The following CEP128 variants were observed in gnomAD, a reference collection of about 807,000 sequenced individuals.
The protein encoded by CEP128 is centrosomal protein 128kDa.
In CEP128, 132 loss-of-function variants were observed where a neutral mutation model predicts 156.7. The ratio of observed to expected loss-of-function variants is 0.84; its 90% confidence interval spans 0.73 to 0.97. CEP128 has a LOEUF of 0.97. Among genes scored for constraint, CEP128 ranks in the 50% least tolerant of loss-of-function variants. The pLI, the probability that CEP128 is intolerant of heterozygous loss-of-function variation, is 0.00. For missense variants in CEP128, 1,252 were observed against 1,281.9 expected (o/e 0.98, Z 0.36); for synonymous variants, 469 against 448.9 (o/e 1.04, Z -0.57).
At chr14:80,516,314 T>C (rs567241918) in intron 23 of CEP128, among the ~76,000 whole-genome samples, 36 of 152,328 alleles carry the variant, frequency 2.4e-4, no homozygotes, top group African/African-American at 8.7e-4. Flanking sequence ...TGCCCTATTC[T>C]ACTATGGCTA....
intron 19 of CEP128, among the ~76,000 whole-genome samples, chr14:80,626,883 T>G (rs1893752293): frequency 6.6e-6 from 1 of 152,130 alleles, no homozygotes; most frequent in Non-Finnish European, 1.5e-5. Context: ...TGAGCCAAGA[T>G]GGTGCACCAT....
chr14:80,756,849 A>G, intron 18 of CEP128, 43 bp downstream of exon 18: 1 of 1,293,584 alleles, frequency 7.7e-7, no homozygotes, highest in South Asian at 1.2e-5. Flanking sequence ...TGGCTTAAAG[A>G]TCATAAATAT....
At chr14:80,905,808 T>C (rs1028169865) in intron 5 of CEP128, 147 bp downstream of exon 5, 6 of 689,894 alleles carry the variant, frequency 8.7e-6, no homozygotes, top group African/African-American at 1.9e-5. Flanking sequence ...TTTCAAAGCA[T>C]GTACTATAAA....
intron 1 of CEP128, among the ~76,000 whole-genome samples, chr14:80,939,883 C>A (rs748525581): frequency 6.6e-6 from 1 of 152,196 alleles, no homozygotes; most frequent in Admixed American, 6.5e-5. Flanking sequence ...ATACAGTTAA[C>A]ATGTTACTGC....
intron 22 of CEP128, among the ~76,000 whole-genome samples, chr14:80,529,491 G>A (rs1460790677): frequency 6.6e-6 from 1 of 152,116 alleles, no homozygotes; most frequent in Non-Finnish European, 1.5e-5. Context: ...GTTCATTGTA[G>A]ACAACTGGGG....
At chr14:80,892,292 A>G (rs1889139539) in intron 8 of CEP128, among the ~76,000 whole-genome samples, 1 of 152,054 alleles carries the variant, frequency 6.6e-6, no homozygotes, top group South Asian at 2.1e-4. Flanking sequence ...CAGGGGCACC[A>G]ATAGGATACA....
chr14:80,846,573 TTAAA>T (rs1227382228), intron 9 of CEP128, among the ~76,000 whole-genome samples: 1 of 152,034 alleles, frequency 6.6e-6, no homozygotes, highest in Admixed American at 6.6e-5. Flanking sequence ...ACAAAAATAC[TTAAA>T]TAAGAAAGTG....
chr14:80,567,770 T>G (rs1362236794), intron 20 of CEP128, among the ~76,000 whole-genome samples: 4 of 152,064 alleles, frequency 2.6e-5, no homozygotes. Context: ...CTAAAGATTA[T>G]TTGCAGATAA....
chr14:80,821,264 A>C (rs1007773436), intron 13 of CEP128, among the ~76,000 whole-genome samples: 2 of 152,212 alleles, frequency 1.3e-5, no homozygotes, highest in African/African-American at 2.4e-5. Flanking sequence ...TATGCTATCA[A>C]GTTGAAATCA....
Position 80,904,843 on chromosome 14 carries a change from C to A in CEP128, c.450G>T (p.Arg150=). The A allele has an allele frequency of 6.2e-7, 1 of 1,607,024 alleles. No homozygotes were observed. Among genetic ancestry groups the A allele is most frequent in the Non-Finnish European group, 8.5e-7 (1 of 1,173,608 alleles). The stretch of plus-strand genomic sequence containing the variant: ...TCATATCATCAGTCTCTTGAACAAA[C>A]CGGACACCAGTTCTTGATCTCATTC... The part of the protein sequence containing the change: ...IKRMRSRTGV[R]FVQETDDMTQ... Residue 150 remains arginine, a synonymous_variant, in exon 6 of 25, where the codon CGG becomes CGT. Transcript: ENST00000555265.
At position 80,754,916 on chromosome 14, in the gene CEP128, C is replaced by T. The variant is rs73342506; in HGVS notation, c.2613+1976G>A. 7.6e-3 allele frequency among the ~76,000 whole-genome samples: 1,157 copies of T among 152,296 alleles called. 18 individuals are homozygous for T. Among genetic ancestry groups the T allele is most frequent in the African/African-American group, 0.026 (1,066 of 41,558 alleles). On this transcript the variant is annotated intron_variant, in intron 18 of 24. Coordinates refer to ENST00000555265, the MANE Select transcript of CEP128 (RefSeq NM_152446.5). The stretch of plus-strand genomic sequence containing the variant: ...CCCCTCATCTACGGAAACTGCTTAC[C>T]TGGCATTCCTTAATGACCATGTGAT...
chr14:80,573,909 T>C (rs923860684), intron 20 of CEP128, among the ~76,000 whole-genome samples: 4 of 152,202 alleles, frequency 2.6e-5, no homozygotes, highest in African/African-American at 9.6e-5. Context: ...GTTTTGTTTA[T>C]GCCATTGCTT....
At chr14:80,593,668 T>C (rs2140496524) in intron 19 of CEP128, among the ~76,000 whole-genome samples, 1 of 151,834 alleles carries the variant, frequency 6.6e-6, no homozygotes, top group East Asian at 1.9e-4. Flanking sequence ...AGCATTCCTA[T>C]ACACCAATAA....
intron 9 of CEP128, among the ~76,000 whole-genome samples, chr14:80,860,317 C>G (rs1887454288): frequency 6.6e-6 from 1 of 152,114 alleles, no homozygotes; most frequent in Non-Finnish European, 1.5e-5. Flanking sequence ...TTAAATAGTT[C>G]TTATCAATAG....
intron 19 of CEP128, among the ~76,000 whole-genome samples, chr14:80,695,124 T>A (rs780179684): frequency 4.0e-5 from 6 of 151,700 alleles, no homozygotes; most frequent in Non-Finnish European, 7.4e-5. Flanking sequence ...AAAAATAAAT[T>A]TTTTGCAGGG....
intron 8 of CEP128, among the ~76,000 whole-genome samples, chr14:80,880,862 CAAAAAT>C (rs1227442001): frequency 3.6e-5 from 3 of 83,600 alleles, no homozygotes; most frequent in African/African-American, 1.0e-4. Context: ...GACTCCATCT[CAAAAAT>C]AATAATAATA....
chr14:80,939,574 C>T (rs1348119808), intron 1 of CEP128, 34 bp from the exon 2 acceptor site: 3 of 152,208 alleles, frequency 2.0e-5, no homozygotes, highest in African/African-American at 4.8e-5. Context: ...GTAAGACATA[C>T]CTACAACTTT....
chr14:80,681,005 A>G (rs1306718671), intron 19 of CEP128, among the ~76,000 whole-genome samples: 1 of 152,134 alleles, frequency 6.6e-6, no homozygotes, highest in Non-Finnish European at 1.5e-5. Flanking sequence ...TATATACTAT[A>G]CGTATATACC....
At chr14:80,672,609 G>A (rs1213921662) in intron 19 of CEP128, among the ~76,000 whole-genome samples, 5 of 152,110 alleles carry the variant, frequency 3.3e-5, no homozygotes, top group Non-Finnish European at 7.4e-5. Context: ...TAGGTCCCTT[G>A]ATTTTCACTG....
Sources: gnomAD v4.1 joint callset for allele counts (sites outside exome capture counted in the v4.1 genomes callset) on GRCh38, gnomAD v4.1.1 for gene constraint, MANE v1.5 for transcripts, NCBI Gene and HGNC (gene_info 2026-07-23, HGNC 2026-07-21) for gene names.